NEK11: variants seen among roughly 807,000 people sequenced by gnomAD.
NEK11 encodes the protein NIMA related kinase 11.
NEK11 carries 72 observed loss-of-function variants against 80.7 expected under a neutral mutation model. The ratio of observed to expected loss-of-function variants is 0.89; its 90% CI spans 0.74 to 1.08. The LOEUF (loss-of-function observed/expected upper bound fraction) is 1.08. Among genes scored for constraint, NEK11 ranks in the 50% least tolerant of loss-of-function variants. NEK11 has a pLI of 0.00. For missense variants in NEK11, 764 were observed against 763.6 expected (o/e 1.00, Z -0.01); for synonymous variants, 251 against 260.7 (o/e 0.96, Z 0.36).
chr3:131,196,700 T>C (rs2094024017), intron 14 of NEK11, among the ~76,000 whole-genome samples: 1 of 152,054 alleles, frequency 6.6e-6, no homozygotes, highest in Non-Finnish European at 1.5e-5. Flanking sequence ...GCTGGGCTAA[T>C]TTTTGTATTT....
At chr3:131,034,306 T>A (rs1319586478) in intron 3 of NEK11, among the ~76,000 whole-genome samples, 1 of 152,236 alleles carries the variant, frequency 6.6e-6, no homozygotes, top group Admixed American at 6.5e-5. Flanking sequence ...TTTTAAAAAA[T>A]TTATCACATT....
intron 4 of NEK11, among the ~76,000 whole-genome samples, chr3:131,107,361 A>G (rs533639636): frequency 7.5e-5 from 9 of 120,544 alleles, no homozygotes; most frequent in South Asian, 3.0e-4. Flanking sequence ...AAAGTATAAT[A>G]ATAATAAAAT....
At chr3:131,134,011 T>G in intron 7 of NEK11, 55 bp downstream of exon 7, 1 of 1,480,060 alleles carries the variant, frequency 6.8e-7, no homozygotes, top group Non-Finnish European at 9.0e-7. Context: ...GAATGGTACA[T>G]TTTGTCTTTC....
chr3:131,249,467 A>G (rs1218528972), intron 16 of NEK11, among the ~76,000 whole-genome samples: 3 of 152,116 alleles, frequency 2.0e-5, no homozygotes, highest in Non-Finnish European at 4.4e-5. Context: ...CAGCCACAAT[A>G]TTCCTCTCCA....
intron 16 of NEK11, among the ~76,000 whole-genome samples, chr3:131,244,705 C>G (rs1254099688): frequency 1.3e-5 from 2 of 152,048 alleles, no homozygotes; most frequent in Non-Finnish European, 2.9e-5. Flanking sequence ...GAGGATCACT[C>G]GAGGTCAGGA....
intron 17 of NEK11, among the ~76,000 whole-genome samples, chr3:131,326,806 A>G (rs1201342898): frequency 1.3e-5 from 2 of 152,124 alleles, no homozygotes. Context: ...CTTGAATGTG[A>G]CCCCTTCAAA....
chr3:131,098,340 A>G (rs530521874), intron 4 of NEK11, among the ~76,000 whole-genome samples: 24 of 152,312 alleles, frequency 1.6e-4, no homozygotes, highest in Non-Finnish European at 2.8e-4. Context: ...CTGCACAGCA[A>G]AAGAAACTGC....
intron 16 of NEK11, among the ~76,000 whole-genome samples, chr3:131,269,080 AC>A (rs1489696574): frequency 6.6e-6 from 1 of 152,174 alleles, no homozygotes; most frequent in Non-Finnish European, 1.5e-5. Flanking sequence ...GGGGAAAACC[AC>A]CTACTCAAGC....
intron 3 of NEK11, among the ~76,000 whole-genome samples, chr3:131,073,551 G>A (rs188291501): frequency 1.4e-4 from 22 of 152,200 alleles, no homozygotes; most frequent in Admixed American, 9.2e-4. Flanking sequence ...TAAAATATTT[G>A]TAAACAAAAT....
chr3:131,206,848 G>A (rs976214952), intron 14 of NEK11, among the ~76,000 whole-genome samples: 2 of 151,564 alleles, frequency 1.3e-5, no homozygotes, highest in Non-Finnish European at 2.9e-5. Flanking sequence ...CTCACCCCAC[G>A]ACAGGCCCCA....
chr3:131,347,922 A>G (rs554732331), intron 17 of NEK11, among the ~76,000 whole-genome samples: 42 of 152,202 alleles, frequency 2.8e-4, no homozygotes, highest in African/African-American at 9.4e-4. Context: ...CATCTCCAAA[A>G]AAAAAAAATA....
chr3:131,245,301 T>TTGTGTGTGTGTGTGTG (rs4044352), intron 16 of NEK11, among the ~76,000 whole-genome samples: 2,759 of 140,732 alleles, frequency 0.02, 85 homozygotes, highest in African/African-American at 0.072. Context: ...TAGTATTCCA[T>TTGTGTGTGTGTGTGTG]TGTGTGTGTG....
At chr3:131,141,032 T>C (rs1331815331) in intron 7 of NEK11, among the ~76,000 whole-genome samples, 1 of 152,104 alleles carries the variant, frequency 6.6e-6, no homozygotes, top group Admixed American at 6.6e-5. Context: ...CATTAGTAAC[T>C]TGAAAACAAC....
At chr3:131,281,535 T>G (rs1182287343) in intron 17 of NEK11, among the ~76,000 whole-genome samples, 1 of 152,238 alleles carries the variant, frequency 6.6e-6, no homozygotes, top group Non-Finnish European at 1.5e-5. Context: ...TTGCAGTCTT[T>G]CGCTAGTACG....
In NEK11 at chr3:131,152,459, T is replaced by G; in HGVS notation, c.719T>G (p.Ile240Ser). 1 of 1,613,772 alleles carries G rather than the reference T, an allele frequency of 6.2e-7. No individual in the cohort carries two copies. The highest frequency in any genetic ancestry group is 8.5e-7 in the Non-Finnish European group (1 of 1,179,682). Residue 240 changes from isoleucine (I) to serine (S), a missense_variant, in exon 8 of 18, where the codon ATT (isoleucine) becomes AGT (serine). Physicochemically the swap from Ile to Ser is moderately radical, Grantham distance 142. Coordinates refer to ENST00000383366, the MANE Select transcript of NEK11 (RefSeq NM_024800.5). ...HAFAGSNFLS[I>S]VLKIVEGDTP... Reference sequence around the variant, plus strand: ...TTCGCTGGCTCCAATTTCTTATCCATTGTTTTAAAAATTGTTGAAGGTGAC... The same window carrying G: ...TTCGCTGGCTCCAATTTCTTATCCAGTGTTTTAAAAATTGTTGAAGGTGAC...
chr3:131,150,597 G>C (rs1417000225), intron 7 of NEK11, among the ~76,000 whole-genome samples: 6 of 151,806 alleles, frequency 4.0e-5, no homozygotes, highest in Admixed American at 3.3e-4. Context: ...TTTAAAGTTT[G>C]TTTTGTGAGC....
chr3:131,132,608 C>T, intron 5 of NEK11, 137 bp from the exon 6 acceptor site: 1 of 529,244 alleles, frequency 1.9e-6, no homozygotes, highest in Non-Finnish European at 3.4e-6. Flanking sequence ...GGCTTTGTAG[C>T]TTTTAAACAT....
At chr3:131,205,154 A>G (rs1482157383) in intron 14 of NEK11, among the ~76,000 whole-genome samples, 1 of 152,172 alleles carries the variant, frequency 6.6e-6, no homozygotes, top group Non-Finnish European at 1.5e-5. Flanking sequence ...AAAGTGAACT[A>G]AAGATTCACT....
At chr3:131,069,438 A>T (rs1014653552) in intron 3 of NEK11, among the ~76,000 whole-genome samples, 5 of 152,140 alleles carry the variant, frequency 3.3e-5, no homozygotes, top group African/African-American at 1.2e-4. Flanking sequence ...AGGGATCTAG[A>T]ACTAGAAATA....
Sources: allele counts gnomAD v4.1 joint callset (sites outside exome capture counted in the v4.1 genomes callset), GRCh38; gene constraint gnomAD v4.1.1; transcripts MANE v1.5; gene names NCBI Gene and HGNC (gene_info 2026-07-23, HGNC 2026-07-21).